LRMDA: variants seen among roughly 807,000 people sequenced by gnomAD.
LRMDA encodes leucine-rich melanocyte differentiation-associated protein.
A neutral mutation model predicts 29.8 loss-of-function variants in LRMDA; 18 were observed. That is an observed-to-expected ratio of 0.60 (90% confidence interval 0.42 to 0.90). The LOEUF is 0.90. Ranked by LOEUF, LRMDA falls within the 40% of genes least tolerant of loss-of-function variation. The probability of loss-of-function intolerance (pLI) is 0.00; values close to 1 mark genes in which losing one functional copy is unlikely to be tolerated. For missense variants in LRMDA, 273 were observed against 273.9 expected (o/e 1.00, Z 0.02); for synonymous variants, 125 against 109.4 (o/e 1.14, Z -0.89).
chr10:75,706,711 C>T (rs1012589557), intron 2 of LRMDA, among the ~76,000 whole-genome samples: 17 of 147,846 alleles, frequency 1.1e-4, no homozygotes, highest in Admixed American at 2.0e-4. Flanking sequence ...CAATCCTATA[C>T]GTTGAGAATT....
At chr10:76,289,704 T>C (rs1462390607) in intron 5 of LRMDA, among the ~76,000 whole-genome samples, 2 of 152,214 alleles carry the variant, frequency 1.3e-5, no homozygotes, top group East Asian at 3.8e-4. Flanking sequence ...AAAAACCTGG[T>C]GGCTGTTTCT....
chr10:76,450,064 T>C (rs1369571835), intron 6 of LRMDA, among the ~76,000 whole-genome samples: 1 of 152,098 alleles, frequency 6.6e-6, no homozygotes, highest in Non-Finnish European at 1.5e-5. Flanking sequence ...AGTCTTGAGT[T>C]CTTGATTTCT....
At chr10:76,446,117 T>G (rs1842351923) in intron 6 of LRMDA, among the ~76,000 whole-genome samples, 1 of 152,178 alleles carries the variant, frequency 6.6e-6, no homozygotes, top group Admixed American at 6.5e-5. Flanking sequence ...TTTTAAAAAT[T>G]ATTATCACAG....
intron 2 of LRMDA, among the ~76,000 whole-genome samples, chr10:75,714,556 C>T (rs1433617269): frequency 6.6e-6 from 1 of 152,220 alleles, no homozygotes; most frequent in East Asian, 1.9e-4. Flanking sequence ...GAACAGATCA[C>T]ATAGATTTCT....
At chr10:76,280,823 AG>A (rs980777450) in intron 5 of LRMDA, among the ~76,000 whole-genome samples, 2 of 152,088 alleles carry the variant, frequency 1.3e-5, no homozygotes, top group African/African-American at 4.8e-5. Context: ...TTAAAAAAAA[AG>A]GTACTGGACT....
chr10:75,870,394 C>T (rs975929363), intron 2 of LRMDA, among the ~76,000 whole-genome samples: 2 of 151,952 alleles, frequency 1.3e-5, no homozygotes, highest in Non-Finnish European at 2.9e-5. Context: ...GTGTTATGTA[C>T]GACATTTGGG....
chr10:76,325,686 T>G (rs1840825530), intron 6 of LRMDA, among the ~76,000 whole-genome samples: 1 of 152,210 alleles, frequency 6.6e-6, no homozygotes, highest in South Asian at 2.1e-4. Context: ...TAAGGGTATT[T>G]TTACTTTAGA....
intron 2 of LRMDA, among the ~76,000 whole-genome samples, chr10:75,642,025 C>T (rs903909117): frequency 2.0e-5 from 3 of 152,172 alleles, no homozygotes; most frequent in Non-Finnish European, 4.4e-5. Context: ...ATGATATTCT[C>T]AACCACTAAG....
chr10:76,382,333 G>C (rs1289283930), intron 6 of LRMDA, among the ~76,000 whole-genome samples: 1 of 152,194 alleles, frequency 6.6e-6, no homozygotes, highest in African/African-American at 2.4e-5. Context: ...TGAGTTATGA[G>C]TTGAGAATGA....
At chr10:76,209,670 G>T (rs559611999) in intron 5 of LRMDA, among the ~76,000 whole-genome samples, 1 of 152,276 alleles carries the variant, frequency 6.6e-6, no homozygotes, top group South Asian at 2.1e-4. Context: ...TTCTTTAAAT[G>T]ATTTTTGTTC....
chr10:76,154,891 T>C (rs1850510300), intron 5 of LRMDA, among the ~76,000 whole-genome samples: 1 of 152,156 alleles, frequency 6.6e-6, no homozygotes, highest in Non-Finnish European at 1.5e-5. Flanking sequence ...CATCTCCCCA[T>C]TGTTGTATCA....
chr10:76,074,775 G>A (rs1480066717), intron 5 of LRMDA, among the ~76,000 whole-genome samples: 4 of 152,056 alleles, frequency 2.6e-5, no homozygotes, highest in Non-Finnish European at 5.9e-5. Context: ...ATTGACCCTT[G>A]ATGTGTTATG....
At chr10:76,446,020 T>G (rs1336766015) in intron 6 of LRMDA, among the ~76,000 whole-genome samples, 1 of 152,206 alleles carries the variant, frequency 6.6e-6, no homozygotes, top group East Asian at 1.9e-4. Flanking sequence ...AATATTGTCA[T>G]GCATTTGGTG....
intron 5 of LRMDA, among the ~76,000 whole-genome samples, chr10:76,261,870 G>A (rs960098291): frequency 1.4e-4 from 22 of 152,294 alleles, no homozygotes; most frequent in Admixed American, 9.1e-4. Flanking sequence ...AACAAATTTA[G>A]AATGACATTT....
At chr10:76,439,980 AAG>A (rs1375247867) in intron 6 of LRMDA, among the ~76,000 whole-genome samples, 3 of 152,170 alleles carry the variant, frequency 2.0e-5, no homozygotes, top group African/African-American at 7.2e-5. Flanking sequence ...CACTCACCAG[AAG>A]TTCTGATTCC....
chr10:75,512,346 T>C (rs1201260040), intron 2 of LRMDA, among the ~76,000 whole-genome samples: 2 of 150,956 alleles, frequency 1.3e-5, no homozygotes, highest in Non-Finnish European at 3.0e-5. Context: ...CTTGAATCAA[T>C]GTGAGCTGTT....
intron 4 of LRMDA, among the ~76,000 whole-genome samples, chr10:76,048,599 C>T (rs1446719043): frequency 6.6e-6 from 1 of 152,122 alleles, no homozygotes; most frequent in Non-Finnish European, 1.5e-5. Flanking sequence ...CAGTCTATAT[C>T]AGTATTCCAT....
At chr10:75,739,279 A>T (rs1353298313) in intron 2 of LRMDA, among the ~76,000 whole-genome samples, 1 of 152,242 alleles carries the variant, frequency 6.6e-6, no homozygotes, top group Non-Finnish European at 1.5e-5. Context: ...TTGTTGCCTT[A>T]GCACAAACCC....
At chr10:75,843,415 G>A (rs139826289) in intron 2 of LRMDA, among the ~76,000 whole-genome samples, 53 of 152,320 alleles carry the variant, frequency 3.5e-4, no homozygotes, top group African/African-American at 1.2e-3. Flanking sequence ...TGTTAAGTGT[G>A]GTATAGAGAA....
Sources: allele counts gnomAD v4.1 joint callset (sites outside exome capture counted in the v4.1 genomes callset), GRCh38; gene constraint gnomAD v4.1.1; transcripts MANE v1.5; gene names NCBI Gene and HGNC (gene_info 2026-07-23, HGNC 2026-07-21).